TMEM165: variants seen among roughly 807,000 people sequenced by gnomAD.
TMEM165 encodes the protein putative divalent cation/proton antiporter TMEM165.
TMEM165 carries 19 observed loss-of-function variants against 30.0 expected under a neutral mutation model. The observed-to-expected ratio is 0.63, with a 90% CI of 0.44 to 0.93. The LOEUF is 0.93. Ranked by LOEUF, TMEM165 falls within the 40% of genes least tolerant of loss-of-function variation. The pLI is 0.00. For missense variants in TMEM165, 340 were observed against 417.0 expected (o/e 0.82, Z 1.61); for synonymous variants, 168 against 162.9 (o/e 1.03, Z -0.24).
chr4:55,425,513 T>C lies in TMEM165; in HGVS notation c.*61T>C. On this transcript the variant is annotated 3_prime_UTR_variant, in exon 6 of 6. Coordinates refer to ENST00000381334, the MANE Select transcript of TMEM165 (RefSeq NM_018475.5). ...GGTAGTATTATCTTTCTGTACATAG[T>C]GTACATTACAACTAAAAGTGATGGA... 2 of 1,303,222 alleles carry C rather than the reference T, an allele frequency of 1.5e-6. No individual in the cohort carries two copies. The highest frequency in any genetic ancestry group is 2.2e-6 in the Non-Finnish European group (2 of 909,302). 80.7% of individuals were successfully genotyped at this position (1,303,222 alleles called of 1,614,324 possible). A position where few individuals can be genotyped will look rare whatever the true frequency, so the allele number is the denominator to read the frequency against.
At chr4:55,410,181 G>C (rs1444562934) in intron 1 of TMEM165, among the ~76,000 whole-genome samples, 1 of 151,986 alleles carries the variant, frequency 6.6e-6, no homozygotes, top group Non-Finnish European at 1.5e-5. Flanking sequence ...CTGGGTTTTG[G>C]TTCAGTAACT....
chr4:55,427,226 T>C (rs116033692), downstream of TMEM165, among the ~76,000 whole-genome samples: 2,840 of 149,084 alleles, frequency 0.019, 30 homozygotes, highest in South Asian at 0.036. Flanking sequence ...GTAGAGATGA[T>C]GGAGTTTCGC....
intron 1 of TMEM165, among the ~76,000 whole-genome samples, chr4:55,400,293 T>C (rs1394069755): frequency 9.9e-6 from 1 of 100,524 alleles, no homozygotes; most frequent in Non-Finnish European, 1.8e-5. Flanking sequence ...ATATATTATA[T>C]ATAATATTAT....
At chr4:55,414,907 T>A (rs1721663083) in intron 2 of TMEM165, among the ~76,000 whole-genome samples, 2 of 152,156 alleles carry the variant, frequency 1.3e-5, no homozygotes, top group African/African-American at 4.8e-5. Flanking sequence ...TCCAAGAATG[T>A]CTCATCTGGA....
At position 55,449,947 on chromosome 4, in the gene TMEM165, TA is replaced by T. The variant is rs1724272226; in HGVS notation, c.409-2290del. On this transcript the variant is annotated intron_variant, in intron 3 of 3. Coordinates refer to the TMEM165 transcript ENST00000608091. Reference sequence around the variant, plus strand: ...TTGCTGAAAGTGGGCAATGTCCCTTTAACTCACTGGAAAGGTTACTACATTT... The same window carrying T: ...TTGCTGAAAGTGGGCAATGTCCCTTTACTCACTGGAAAGGTTACTACATTT... 3.0e-6 allele frequency: 3 copies of T among 1,007,050 alleles called. No homozygotes were observed. In the Admixed American group the frequency reaches 6.7e-5, roughly 23 times the overall value. 62.4% of individuals were successfully genotyped at this position (1,007,050 alleles called of 1,614,324 possible).
At chr4:55,431,261 G>C (rs1481880706) in intron 3 of TMEM165, 1 of 152,130 alleles carries the variant, frequency 6.6e-6, no homozygotes, top group Non-Finnish European at 1.5e-5. Context: ...GCTGACAATA[G>C]GCACATTACC....
chr4:55,396,528 T>A, intron 1 of TMEM165, 132 bp downstream of exon 1: 1 of 745,108 alleles, frequency 1.3e-6, no homozygotes, highest in Non-Finnish European at 2.0e-6. Flanking sequence ...GCTCCCGGGG[T>A]GGAGGGCGGT....
At chr4:55,404,803 G>A (rs143035898) in intron 1 of TMEM165, among the ~76,000 whole-genome samples, 1 of 152,288 alleles carries the variant, frequency 6.6e-6, no homozygotes, top group Non-Finnish European at 1.5e-5. Context: ...GTTCTCATTT[G>A]ACACTGTTAA....
chr4:55,411,988 T>A, intron 2 of TMEM165, 149 bp downstream of exon 2: 1 of 700,768 alleles, frequency 1.4e-6, no homozygotes, highest in Non-Finnish European at 2.5e-6. Context: ...GTGTATCCTT[T>A]CCTTGTGTAT....
intron 2 of TMEM165, chr4:55,412,297 G>A: frequency 5.2e-6 from 1 of 190,878 alleles, no homozygotes; most frequent in Non-Finnish European, 1.1e-5. Flanking sequence ...AGGAGGCTGA[G>A]GCAGGAGAAT....
In TMEM165 at chr4:55,417,114, C is replaced by T; in HGVS notation, c.476C>T (p.Thr159Ile). ...ACCACAGTCATCCCCAGGGTCTATACATACTATGTTTCAACTGTATTATTT... is the reference window on the plus strand; with the variant it reads ...ACCACAGTCATCCCCAGGGTCTATATATACTATGTTTCAACTGTATTATTT... ...YATTVIPRVY[T>I]YYVSTVLFAI... Residue 159 changes from threonine to isoleucine, a missense_variant, in exon 3 of 6, where the codon ACA (threonine) becomes ATA (isoleucine). By Grantham distance (89) the Thr-to-Ile change is moderately conservative (BLOSUM62 -1). Transcript: ENST00000381334. 1.2e-6 allele frequency: 2 copies of T among 1,613,766 alleles called. No homozygotes were observed. Among genetic ancestry groups the T allele is most frequent in the Non-Finnish European group, 1.7e-6 (2 of 1,179,904 alleles).
intron 1 of TMEM165, among the ~76,000 whole-genome samples, chr4:55,402,602 C>A (rs1291736696): frequency 7.0e-6 from 1 of 142,124 alleles, no homozygotes. Flanking sequence ...TGCATGCCAC[C>A]ACGCCCAGCT....
At chr4:55,434,024 A>G (rs1722693541) in intron 3 of TMEM165, 1 of 152,586 alleles carries the variant, frequency 6.6e-6, no homozygotes, top group Non-Finnish European at 1.5e-5. Context: ...ATCATCTTTT[A>G]TTTCTAAATT....
At chr4:55,422,062 C>T (rs1721999861) in intron 4 of TMEM165, among the ~76,000 whole-genome samples, 1 of 152,226 alleles carries the variant, frequency 6.6e-6, no homozygotes. Context: ...TTTCTGGCCT[C>T]ACCAGGAATG....
intron 5 of TMEM165, 124 bp downstream of exon 5, chr4:55,424,767 C>T: frequency 1.6e-6 from 1 of 628,574 alleles, no homozygotes; most frequent in Non-Finnish European, 2.7e-6. Flanking sequence ...TACCTACCAT[C>T]TCTTATAGAG....
chr4:55,441,608 T>C (rs1050688926), intron 3 of TMEM165, among the ~76,000 whole-genome samples: 37 of 152,228 alleles, frequency 2.4e-4, no homozygotes, highest in African/African-American at 6.3e-4. Context: ...GAGGCCATTA[T>C]TCTAAGTGAA....
intron 4 of TMEM165, chr4:55,423,126 G>A (rs1327445119): frequency 6.6e-6 from 1 of 152,050 alleles, no homozygotes; most frequent in Non-Finnish European, 1.5e-5. Flanking sequence ...TAAGAGACGG[G>A]ATCTCGCTGT....
chr4:55,425,208 T>C (rs1222416417), intron 5 of TMEM165, among the ~76,000 whole-genome samples, 168 bp from the exon 6 acceptor site: 2 of 152,254 alleles, frequency 1.3e-5, no homozygotes, highest in African/African-American at 4.8e-5. Flanking sequence ...GCATGTTAAG[T>C]ATTGTTCCTT....
chr4:55,448,764 A>G, intron 3 of TMEM165: 2 of 1,610,118 alleles, frequency 1.2e-6, no homozygotes, highest in Non-Finnish European at 1.7e-6. Context: ...AACTGAAACA[A>G]AAACCAAAAA....
Sources: gnomAD v4.1 joint callset for allele counts (sites outside exome capture counted in the v4.1 genomes callset) on GRCh38, gnomAD v4.1.1 for gene constraint, MANE v1.5 for transcripts, NCBI Gene and HGNC (gene_info 2026-07-23, HGNC 2026-07-21) for gene names.